Variants in UEVLD observed in about 807,000 individuals in gnomAD.
The protein encoded by UEVLD is ubiquitin-conjugating enzyme E2 variant 3.
A neutral mutation model predicts 58.6 loss-of-function variants in UEVLD; 47 were observed. The observed-to-expected ratio is 0.80, with a 90% CI of 0.63 to 1.02. The LOEUF (loss-of-function observed/expected upper bound fraction) is 1.02. UEVLD is among the 50% of genes least tolerant of loss of function. The pLI, the probability that UEVLD is intolerant of heterozygous loss-of-function variation, is 0.00. For synonymous variants in UEVLD, 197 were observed against 195.3 expected, an observed-to-expected ratio of 1.01 and a Z score of -0.07; for missense variants, 510 against 550.6, an observed-to-expected ratio of 0.93 and a Z score of 0.74.
chr11:18,570,213 C>T lies in UEVLD; in HGVS notation c.357+1G>A. On this transcript the variant is annotated splice_donor_variant, in intron 4 of 11. Coordinates refer to ENST00000396197, the MANE Select transcript of UEVLD (RefSeq NM_001040697.4). LOFTEE classifies it high-confidence loss of function. ...CTGTAGAAAATCCAAATTGATCTTA[C>T]ATGGCTCCAGTTTTGGAGATAGGGC... The T allele has an allele frequency of 6.4e-7, 1 of 1,570,186 alleles. No individual in the cohort carries two copies. The highest frequency in any genetic ancestry group is 8.6e-7 in the Non-Finnish European group (1 of 1,163,344).
At chr11:18,554,392 ATTT>A (rs34857682) in intron 7 of UEVLD, among the ~76,000 whole-genome samples, 2 of 107,540 alleles carry the variant, frequency 1.9e-5, no homozygotes, top group Non-Finnish European at 1.8e-5. Context: ...GTGCCTGGCC[ATTT>A]TTTTTTTTTT....
intron 7 of UEVLD, 77 bp from the exon 8 acceptor site, chr11:18,547,127 T>C (rs1851336546): frequency 1.4e-5 from 20 of 1,457,476 alleles, no homozygotes; most frequent in Non-Finnish European, 1.5e-5. Context: ...AAAAGGTTGT[T>C]CTTTTCAACA....
chr11:18,571,814 T>C lies in UEVLD; in HGVS notation c.194-1437A>G, dbSNP rs375934634. Among the ~76,000 whole-genome samples the C allele has an allele frequency of 5.3e-5, 8 of 152,224 alleles. No homozygotes were observed. In the South Asian group the frequency reaches 8.3e-4, roughly 16 times the overall value. On this transcript the variant is annotated intron_variant, in intron 3 of 11. Coordinates refer to ENST00000396197, the MANE Select transcript of UEVLD (RefSeq NM_001040697.4). ...AGACCCTGGTGTGGTAGCACATATC[T>C]GTAGTCCTAGCCACTCAGGAGGCTG...
chr11:18,532,615 G>C, intron 11 of UEVLD, 128 bp from the exon 12 acceptor site: 1 of 669,112 alleles, frequency 1.5e-6, no homozygotes, highest in Non-Finnish European at 2.3e-6. Context: ...AAATTTTTTT[G>C]TTCATTTACT....
chr11:18,560,161 T>C (rs1015663077), intron 6 of UEVLD, among the ~76,000 whole-genome samples: 2 of 79,826 alleles, frequency 2.5e-5, no homozygotes, highest in South Asian at 4.7e-4. Flanking sequence ...AAAATAACCC[T>C]GCTACACTAT....
At chr11:18,542,890 CTTTTTTTTTT>C (rs890676886) in intron 9 of UEVLD, among the ~76,000 whole-genome samples, 1 of 125,902 alleles carries the variant, frequency 7.9e-6, no homozygotes, top group Non-Finnish European at 1.6e-5. Context: ...CTTTTCTTTT[CTTTTTTTTTT>C]TTTTTTCTTT....
intron 6 of UEVLD, among the ~76,000 whole-genome samples, 181 bp from the exon 7 acceptor site, chr11:18,558,511 T>C (rs11024711): frequency 0.39 from 59,207 of 152,042 alleles, 12,027 homozygotes; most frequent in East Asian, 0.66. Context: ...TAACTTTGGC[T>C]GGGCTTGGTG....
chr11:18,544,945 C>T (rs1851228441), intron 8 of UEVLD, 149 bp from the exon 9 acceptor site: 1 of 448,490 alleles, frequency 2.2e-6, no homozygotes, highest in Admixed American at 4.4e-5. Context: ...CACATATATA[C>T]ATATATATAC....
intron 7 of UEVLD, among the ~76,000 whole-genome samples, chr11:18,550,885 T>C (rs1443134820): frequency 6.6e-6 from 1 of 152,122 alleles, no homozygotes; most frequent in Non-Finnish European, 1.5e-5. Context: ...GTTCTGAAGA[T>C]TTTACTTAAA....
intron 2 of UEVLD, among the ~76,000 whole-genome samples, 191 bp downstream of exon 2, chr11:18,578,533 A>C (rs1449399131): frequency 6.6e-6 from 1 of 152,248 alleles, no homozygotes; most frequent in African/African-American, 2.4e-5. Context: ...AGTTTGTTAC[A>C]GCAGCAATAG....
intron 1 of UEVLD, among the ~76,000 whole-genome samples, chr11:18,583,881 G>C (rs1278198334): frequency 6.6e-6 from 1 of 151,920 alleles, no homozygotes; most frequent in African/African-American, 2.4e-5. Context: ...GGCTGGTCTT[G>C]AACTCCTGAC....
chr11:18,547,355 G>T (rs1200842822), intron 7 of UEVLD, among the ~76,000 whole-genome samples: 1 of 152,106 alleles, frequency 6.6e-6, no homozygotes, highest in African/African-American at 2.4e-5. Flanking sequence ...GTGAAACCCT[G>T]TCTCTACTAA....
chr11:18,578,715 G>T lies in UEVLD; in HGVS notation c.127+9C>A. ...ATGCAGCATTTAAACTAGAGGATATGATTCTTACCATAGGTGTCCATGGAA... is the reference window on the plus strand; with the variant it reads ...ATGCAGCATTTAAACTAGAGGATATTATTCTTACCATAGGTGTCCATGGAA... On this transcript the variant is annotated intron_variant, in intron 2 of 11. Transcript: ENST00000396197. The T allele has an allele frequency of 6.3e-7, 1 of 1,585,460 alleles. No individual in the cohort carries two copies. Among genetic ancestry groups the T allele is most frequent in the South Asian group, 1.1e-5 (1 of 87,358 alleles).
chr11:18,542,359 A>ACT (rs1851090792), intron 9 of UEVLD, among the ~76,000 whole-genome samples: 4 of 152,104 alleles, frequency 2.6e-5, no homozygotes, highest in African/African-American at 9.7e-5. Flanking sequence ...GTAATGAATG[A>ACT]ATGGAGACAT....
intron 7 of UEVLD, among the ~76,000 whole-genome samples, chr11:18,547,416 T>C (rs2133980190): frequency 6.6e-6 from 1 of 152,242 alleles, no homozygotes; most frequent in South Asian, 2.1e-4. Flanking sequence ...TCTCAGCTAC[T>C]CAGGAGGCTG....
rs375599789 is a variant in UEVLD at position 18,536,366 on chromosome 11, A to C, written c.1124+40T>G. 5.4e-5 allele frequency: 85 copies of C among 1,587,224 alleles called. No homozygotes were observed. The African/African-American group carries it at 9.7e-4, about 18-fold the overall frequency. ...ATAGCTGTTAGCTATGAAGTAAATG[A>C]TTTTTCGTTGGATAAATGCAAATTT... is the stretch of plus-strand genomic sequence containing the variant. On this transcript the variant is annotated intron_variant, in intron 10 of 11. Coordinates refer to ENST00000396197, the MANE Select transcript of UEVLD (RefSeq NM_001040697.4).
At chr11:18,550,747 A>T (rs1851489155) in intron 7 of UEVLD, among the ~76,000 whole-genome samples, 1 of 152,202 alleles carries the variant, frequency 6.6e-6, no homozygotes, top group Admixed American at 6.5e-5. Context: ...CTTTTTATCT[A>T]AACTTTAAGC....
At chr11:18,535,075 TAAGGA>T (rs1203881400) in intron 10 of UEVLD, among the ~76,000 whole-genome samples, 7 of 152,214 alleles carry the variant, frequency 4.6e-5, no homozygotes, top group Admixed American at 3.9e-4. Context: ...ATTTCATCAT[TAAGGA>T]AAGAAATGAA....
intron 6 of UEVLD, among the ~76,000 whole-genome samples, chr11:18,558,764 T>C (rs530158664): frequency 1.1e-4 from 16 of 147,918 alleles, no homozygotes; most frequent in South Asian, 1.1e-3. Flanking sequence ...GCCTGGGCGA[T>C]AGAGCGAGAC....
Sources: allele counts gnomAD v4.1 joint callset (sites outside exome capture counted in the v4.1 genomes callset), GRCh38; gene constraint gnomAD v4.1.1; transcripts MANE v1.5; gene names NCBI Gene and HGNC (gene_info 2026-07-23, HGNC 2026-07-21).